NEK11: variants seen among roughly 807,000 people sequenced by gnomAD.
NEK11 encodes serine/threonine-protein kinase Nek11.
NEK11 carries 72 observed loss-of-function variants against 80.7 expected under a neutral mutation model. That is an observed-to-expected ratio of 0.89 (90% CI 0.74 to 1.08). The LOEUF is 1.08. NEK11 is among the 50% of genes least tolerant of loss of function. The pLI, the probability that NEK11 is intolerant of heterozygous loss-of-function variation, is 0.00. For synonymous variants in NEK11, 251 were observed against 260.7 expected (o/e 0.96, Z 0.36); for missense variants, 764 against 763.6 (o/e 1.00, Z -0.01).
At chr3:131,168,365 A>AT (rs943243718) in intron 12 of NEK11, among the ~76,000 whole-genome samples, 9 of 147,216 alleles carry the variant, frequency 6.1e-5, no homozygotes, top group Non-Finnish European at 8.9e-5. Flanking sequence ...TTATTTATTT[A>AT]TTTTTTTTTG....
chr3:131,279,323 T>C (rs975267737), intron 17 of NEK11, among the ~76,000 whole-genome samples: 1 of 152,062 alleles, frequency 6.6e-6, no homozygotes, highest in Non-Finnish European at 1.5e-5. Context: ...ACTCCAGACT[T>C]GGCAACAAGA....
intron 16 of NEK11, among the ~76,000 whole-genome samples, chr3:131,255,630 C>T (rs1317174139): frequency 6.6e-6 from 1 of 152,146 alleles, no homozygotes; most frequent in East Asian, 1.9e-4. Context: ...AGCTTTCACA[C>T]TGCTTGATCC....
intron 17 of NEK11, among the ~76,000 whole-genome samples, chr3:131,287,525 C>T (rs551663316): frequency 1.1e-4 from 17 of 152,180 alleles, no homozygotes; most frequent in Non-Finnish European, 1.6e-4. Flanking sequence ...CCACCTGCCT[C>T]GGCCTCCCAA....
chr3:131,301,904 T>G (rs2109202748), intron 17 of NEK11, among the ~76,000 whole-genome samples: 1 of 152,246 alleles, frequency 6.6e-6, no homozygotes. Flanking sequence ...CCTCCTTAAT[T>G]TTTTGGAATA....
chr3:131,034,886 C>G (rs1049791443), intron 3 of NEK11, among the ~76,000 whole-genome samples: 1 of 152,206 alleles, frequency 6.6e-6, no homozygotes, highest in Non-Finnish European at 1.5e-5. Flanking sequence ...TGGCTACTCC[C>G]TTTCCAACTC....
chr3:131,043,967 C>T (rs1408526010), intron 3 of NEK11, among the ~76,000 whole-genome samples: 10 of 152,124 alleles, frequency 6.6e-5, no homozygotes, highest in Admixed American at 6.5e-4. Context: ...ATTCAACATT[C>T]TTAAAGGAAA....
intron 14 of NEK11, among the ~76,000 whole-genome samples, chr3:131,202,343 A>C (rs527895940): frequency 2.0e-5 from 3 of 152,256 alleles, no homozygotes; most frequent in African/African-American, 7.2e-5. Context: ...TTTCCTAGCC[A>C]AGGGAAGCCC....
At chr3:131,318,518 A>G (rs1312084948) in intron 17 of NEK11, among the ~76,000 whole-genome samples, 1 of 152,242 alleles carries the variant, frequency 6.6e-6, no homozygotes, top group East Asian at 1.9e-4. Flanking sequence ...ACAAAAAGCT[A>G]TAAATAGCCT....
chr3:131,277,825 A>G (rs1331492837), intron 17 of NEK11, among the ~76,000 whole-genome samples: 2 of 152,204 alleles, frequency 1.3e-5, no homozygotes, highest in African/African-American at 2.4e-5. Flanking sequence ...TCATCTGTGA[A>G]GTGGGACTAA....
chr3:131,310,645 C>T (rs537162076), intron 17 of NEK11, among the ~76,000 whole-genome samples: 2 of 152,142 alleles, frequency 1.3e-5, no homozygotes, highest in Non-Finnish European at 2.9e-5. Context: ...TGCTGATATT[C>T]ACACCTTTTG....
intron 17 of NEK11, among the ~76,000 whole-genome samples, chr3:131,342,828 T>C (rs1184264998): frequency 6.6e-6 from 1 of 152,174 alleles, no homozygotes; most frequent in Non-Finnish European, 1.5e-5. Context: ...AGTATTTTAC[T>C]CCATTCCGAT....
At chr3:131,112,094 T>G (rs563444785) in intron 5 of NEK11, among the ~76,000 whole-genome samples, 5 of 152,252 alleles carry the variant, frequency 3.3e-5, no homozygotes, top group Admixed American at 2.6e-4. Flanking sequence ...TAGAAATGAG[T>G]GCTGATGTCC....
At chr3:131,144,621 G>T (rs2087741787) in intron 7 of NEK11, among the ~76,000 whole-genome samples, 1 of 152,160 alleles carries the variant, frequency 6.6e-6, no homozygotes, top group African/African-American at 2.4e-5. Flanking sequence ...GTATGTTAAA[G>T]TTTGGGAAAC....
intron 3 of NEK11, among the ~76,000 whole-genome samples, chr3:131,064,040 C>T (rs2071409153): frequency 6.6e-6 from 1 of 152,110 alleles, no homozygotes; most frequent in Admixed American, 6.5e-5. Flanking sequence ...TCTGGATAAA[C>T]CTTGAAAACA....
At chr3:131,302,708 G>A (rs1035377293) in intron 17 of NEK11, among the ~76,000 whole-genome samples, 1 of 152,152 alleles carries the variant, frequency 6.6e-6, no homozygotes, top group African/African-American at 2.4e-5. Context: ...TGTGGACTGA[G>A]AGCTTGGTTC....
chr3:131,349,746 A>G lies in NEK11; in HGVS notation c.1908A>G (p.Gly636=), dbSNP rs777170324. The G allele has an allele frequency of 5.3e-5, 86 of 1,613,964 alleles. No homozygotes were observed. Among genetic ancestry groups the G allele is most frequent in the African/African-American group, 2.7e-5 (2 of 74,930 alleles). ...YFEEQLLITM[G]KEPTLQNHL ...AAGAGCAGTTGCTGATCACGATGGG[A>G]AAAGAACCTACTCTCCAGAACCATC... The change falls in exon 18 of 18, where the codon GGA becomes GGG. Residue 636 remains glycine (G), a synonymous_variant. Coordinates refer to ENST00000383366, the MANE Select transcript of NEK11 (RefSeq NM_024800.5).
At position 131,243,458 on chromosome 3, in the gene NEK11, C is replaced by G; in HGVS notation, c.1583C>G (p.Ala528Gly). The G allele has an allele frequency of 6.2e-7, 1 of 1,612,680 alleles. No homozygotes were observed. Among genetic ancestry groups the G allele is most frequent in the Non-Finnish European group, 8.5e-7 (1 of 1,179,258 alleles). ...NQQDSDIEAL[A>G]RCLENVLGCT... ...CAGGACAGTGATATCGAAGCGTTGG[C>G]CAGGTGTTTGGAAAATGTCCTGGGT... is the stretch of plus-strand genomic sequence containing the variant. The change falls in exon 16 of 18, where the codon GCC becomes GGC. Residue 528 changes from alanine (A) to glycine (G), a missense_variant. Transcript: ENST00000383366.
At position 131,247,427 on chromosome 3, in the gene NEK11, A is replaced by G. The variant is rs191818771; in HGVS notation, c.1621+3931A>G. Among the ~76,000 whole-genome samples the G allele has an allele frequency of 2.0e-4, 31 of 152,166 alleles. No individual in the cohort carries two copies. In the East Asian group the frequency reaches 5.6e-3, roughly 28 times the overall value. Reference sequence around the variant, plus strand: ...TTGCTTTGTTGAATATCAGTTAGCTATAAGTATATGGCTTTATTTCTGGAT... The same window carrying G: ...TTGCTTTGTTGAATATCAGTTAGCTGTAAGTATATGGCTTTATTTCTGGAT... On this transcript the variant is annotated intron_variant, in intron 16 of 17. Transcript: ENST00000383366.
chr3:131,152,712 A>C lies in NEK11; in HGVS notation c.876+3A>C. 6.2e-7 allele frequency: 1 copy of C among 1,601,958 alleles called. No homozygotes were observed. Among genetic ancestry groups the C allele is most frequent in the Non-Finnish European group, 8.5e-7 (1 of 1,170,350 alleles). ...CTTACCTTGATGAGCAGCTACAGGT[A>C]TTTAAAATGAAAGGGATTCTGGGAA... On this transcript the variant is annotated splice_donor_region_variant and intron_variant, in intron 9 of 17. Coordinates refer to ENST00000383366, the MANE Select transcript of NEK11 (RefSeq NM_024800.5).
Sources: gnomAD v4.1 joint callset for allele counts (sites outside exome capture counted in the v4.1 genomes callset) on GRCh38, gnomAD v4.1.1 for gene constraint, MANE v1.5 for transcripts, NCBI Gene and HGNC (gene_info 2026-07-23, HGNC 2026-07-21) for gene names.